GRXCR2: variants seen among roughly 807,000 people sequenced by gnomAD.
GRXCR2 encodes glutaredoxin and cysteine rich domain containing 2.
In GRXCR2, 23 loss-of-function variants were observed where a neutral mutation model predicts 24.8. The observed-to-expected ratio is 0.93, with a 90% CI of 0.67 to 1.32. GRXCR2 has a LOEUF of 1.32. GRXCR2 is among the 40% of genes most tolerant of loss of function. The probability of loss-of-function intolerance (pLI) is 0.00; values close to 1 mark genes in which losing one functional copy is unlikely to be tolerated. For missense variants in GRXCR2, 315 were observed against 303.4 expected (o/e 1.04, Z -0.28); for synonymous variants, 130 against 116.1 (o/e 1.12, Z -0.77).
intron 2 of GRXCR2, among the ~76,000 whole-genome samples, chr5:145,865,384 G>A (rs916897885): frequency 3.3e-5 from 5 of 152,222 alleles, no homozygotes; most frequent in Admixed American, 3.3e-4. Context: ...GTCTGAGCAT[G>A]TCTGAGCTAT....
At chr5:145,897,617 A>G (rs889713547) in intron 2 of GRXCR2, among the ~76,000 whole-genome samples, 1 of 152,102 alleles carries the variant, frequency 6.6e-6, no homozygotes, top group African/African-American at 2.4e-5. Flanking sequence ...TATACTAACC[A>G]TACACTCAGA....
At chr5:145,893,395 G>A (rs910109586) in intron 2 of GRXCR2, among the ~76,000 whole-genome samples, 131 of 152,212 alleles carry the variant, frequency 8.6e-4, no homozygotes, top group Non-Finnish European at 1.4e-3. Flanking sequence ...CCCATCTCAC[G>A]TGCAGAGACA....
intron 2 of GRXCR2, among the ~76,000 whole-genome samples, chr5:145,898,326 C>G (rs1204525719): frequency 6.6e-6 from 1 of 150,990 alleles, no homozygotes; most frequent in Non-Finnish European, 1.5e-5. Context: ...AAGCCCTGGA[C>G]CAGATGGATT....
chr5:145,903,066 A>C (rs866359126), intron 2 of GRXCR2, among the ~76,000 whole-genome samples: 1 of 152,162 alleles, frequency 6.6e-6, no homozygotes, highest in Admixed American at 6.5e-5. Context: ...GCACTGACTA[A>C]ATACTTTCAG....
At chr5:145,927,953 G>C (rs1287648114) in intron 2 of GRXCR2, among the ~76,000 whole-genome samples, 3 of 152,094 alleles carry the variant, frequency 2.0e-5, no homozygotes, top group Non-Finnish European at 2.9e-5. Context: ...ACTACCATCA[G>C]AGTAAACAGG....
chr5:145,889,243 A>AGAAAGAAAGAAAGAAT (rs1408862997), intron 2 of GRXCR2, among the ~76,000 whole-genome samples: 20 of 147,670 alleles, frequency 1.4e-4, no homozygotes, highest in South Asian at 4.3e-4. Context: ...AAAGAAAGAA[A>AGAAAGAAAGAAAGAAT]GAATTATGCA....
intron 2 of GRXCR2, among the ~76,000 whole-genome samples, chr5:145,905,064 A>G (rs55863502): frequency 0.014 from 2,086 of 152,310 alleles, 61 homozygotes; most frequent in African/African-American, 0.047. Flanking sequence ...GCTCAGAGCC[A>G]CTGAGGGAGG....
intron 2 of GRXCR2, among the ~76,000 whole-genome samples, chr5:145,902,207 C>CCTCTGA (rs1486258740): frequency 1.3e-5 from 2 of 152,234 alleles, no homozygotes; most frequent in East Asian, 1.9e-4. Context: ...AATCCTCCCA[C>CCTCTGA]CTCAGCCTCC....
At chr5:145,881,936 A>C (rs1356962305) in intron 2 of GRXCR2, among the ~76,000 whole-genome samples, 1 of 152,250 alleles carries the variant, frequency 6.6e-6, no homozygotes, top group Non-Finnish European at 1.5e-5. Flanking sequence ...TCCCTATTTC[A>C]TAAATGGTGC....
intron 2 of GRXCR2, among the ~76,000 whole-genome samples, chr5:145,904,085 G>A (rs1474354757): frequency 6.6e-6 from 1 of 152,114 alleles, no homozygotes; most frequent in East Asian, 1.9e-4. Flanking sequence ...GAGCTGAGTG[G>A]GGTCTGACTA....
rs149607437 is a variant in GRXCR2 at position 145,894,964 on chromosome 5, T to C, written c.-69-28236A>G. ...GATCAAGTCGTCTTCATCCCTGGGA[T>C]GCAAGGCTGGTTCAACATACGCAAA... On this transcript the variant is annotated intron_variant, in intron 2 of 3. Coordinates refer to the GRXCR2 transcript ENST00000639411. Among the ~76,000 whole-genome samples the C allele has an allele frequency of 6.3e-3, 961 of 152,260 alleles. 9 individuals carry two copies. The highest frequency in any genetic ancestry group is 0.022 in the African/African-American group (910 of 41,550).
intron 2 of GRXCR2, among the ~76,000 whole-genome samples, chr5:145,864,091 G>A (rs1441888763): frequency 6.6e-6 from 1 of 152,166 alleles, no homozygotes; most frequent in Non-Finnish European, 1.5e-5. Flanking sequence ...AAGGTGCCCT[G>A]ACAGGTCAAT....
At chr5:145,905,650 T>G (rs1332164125) in intron 2 of GRXCR2, among the ~76,000 whole-genome samples, 1 of 152,148 alleles carries the variant, frequency 6.6e-6, no homozygotes, top group East Asian at 1.9e-4. Flanking sequence ...GAATAAATAA[T>G]TCCGAGTTGC....
chr5:145,890,754 C>A (rs562766778), intron 2 of GRXCR2, among the ~76,000 whole-genome samples: 1 of 151,306 alleles, frequency 6.6e-6, no homozygotes, highest in Non-Finnish European at 1.5e-5. Flanking sequence ...ATGATATGCT[C>A]AAAATTTCAC....
intron 2 of GRXCR2, among the ~76,000 whole-genome samples, chr5:145,886,939 TTC>T (rs764353283): frequency 6.6e-6 from 1 of 152,214 alleles, no homozygotes; most frequent in Admixed American, 6.5e-5. Flanking sequence ...TTACTAGACT[TTC>T]TGTTAGAAGT....
intron 2 of GRXCR2, among the ~76,000 whole-genome samples, chr5:145,886,803 T>C (rs1756785835): frequency 6.6e-6 from 1 of 152,204 alleles, no homozygotes; most frequent in Admixed American, 6.5e-5. Context: ...CTTAATCCAC[T>C]ATATCCAAAA....
chr5:145,897,166 C>A (rs1028395990), intron 2 of GRXCR2, among the ~76,000 whole-genome samples: 3 of 151,260 alleles, frequency 2.0e-5, no homozygotes, highest in African/African-American at 7.3e-5. Context: ...TTAGGAGATA[C>A]ACCTAATGTT....
At chr5:145,866,480 C>G (rs1356529831) in intron 2 of GRXCR2, 21 bp downstream of exon 2, 5 of 1,576,636 alleles carry the variant, frequency 3.2e-6, no homozygotes, top group South Asian at 2.2e-5. Context: ...CCGAGCAGGA[C>G]AGTCAAGCTC....
At position 145,860,834 on chromosome 5, in the gene GRXCR2, A is replaced by G. The variant is rs75154576; in HGVS notation, c.565-919T>C. Among the ~76,000 whole-genome samples the G allele has an allele frequency of 3.0e-3, 455 of 152,266 alleles. 3 individuals carry two copies. The highest frequency in any genetic ancestry group is 0.01 in the African/African-American group (430 of 41,542). Reference sequence around the variant, plus strand: ...CCCTTCTGAGTAGCTGGAACATTAAATGAGAGAATATATGTAATGCAATAT... The same window carrying G: ...CCCTTCTGAGTAGCTGGAACATTAAGTGAGAGAATATATGTAATGCAATAT... On this transcript the variant is annotated intron_variant, in intron 2 of 2. Coordinates refer to ENST00000377976, the MANE Select transcript of GRXCR2 (RefSeq NM_001080516.2).
Sources: gnomAD v4.1 joint callset for allele counts (sites outside exome capture counted in the v4.1 genomes callset) on GRCh38, gnomAD v4.1.1 for gene constraint, MANE v1.5 for transcripts, NCBI Gene and HGNC (gene_info 2026-07-23, HGNC 2026-07-21) for gene names.